Variants in BACH2 observed in about 807,000 individuals in gnomAD.
BACH2 encodes the protein transcription regulator protein BACH2.
In BACH2, 5 loss-of-function variants were observed where a neutral mutation model predicts 61.8. That is an observed-to-expected ratio of 0.08 (90% CI 0.04 to 0.17). The LOEUF (loss-of-function observed/expected upper bound fraction) is 0.17, where lower values mean the gene tolerates loss of function less well. BACH2 is among the 10% of genes least tolerant of loss of function. The pLI is 1.00. For synonymous variants in BACH2, 446 were observed against 440.1 expected (o/e 1.01, Z -0.17); for missense variants, 824 against 1,091.1 (o/e 0.76, Z 3.45).
intron 5 of BACH2, among the ~76,000 whole-genome samples, chr6:90,025,241 G>A (rs1778574918): frequency 6.6e-6 from 1 of 152,300 alleles, no homozygotes; most frequent in Non-Finnish European, 1.5e-5. Flanking sequence ...GGCAGATTTG[G>A]ATATGCAGCT....
rs1453760133 is a variant in BACH2, at chr6:90,102,836, T to TAAA, written c.-161-13728_-161-13727insTTT. On this transcript the variant is annotated intron_variant, in intron 4 of 8. Coordinates refer to ENST00000257749, the MANE Select transcript of BACH2 (RefSeq NM_021813.4). ...ATAATAATAATAATAATAATAATAATAATAAAAATAAAAGGACCTTCCATT... is the reference window on the plus strand; with the variant it reads ...ATAATAATAATAATAATAATAATAATAAAAATAAAAATAAAAGGACCTTCCATT... Among the ~76,000 whole-genome samples the TAAA allele has an allele frequency of 7.5e-3, 800 of 106,818 alleles. 6 individuals are homozygous for TAAA. The highest frequency in any genetic ancestry group is 0.016 in the African/African-American group (508 of 32,478). 70.1% of individuals were successfully genotyped at this position (106,818 alleles called of 152,430 possible).
chr6:89,938,114 T>C (rs1176299593), intron 8 of BACH2, 30 bp downstream of exon 8: 41 of 1,596,336 alleles, frequency 2.6e-5, no homozygotes, highest in Non-Finnish European at 3.4e-5. Flanking sequence ...TCACTTCAGG[T>C]TGCTGATCAC....
intron 5 of BACH2, among the ~76,000 whole-genome samples, chr6:90,054,938 A>C (rs1195579155): frequency 6.6e-6 from 1 of 152,236 alleles, no homozygotes; most frequent in African/African-American, 2.4e-5. Flanking sequence ...AAAACTAACA[A>C]ACGGAAAGGA....
At chr6:90,046,687 T>G (rs1327265263) in intron 5 of BACH2, among the ~76,000 whole-genome samples, 2 of 152,186 alleles carry the variant, frequency 1.3e-5, no homozygotes, top group Non-Finnish European at 2.9e-5. Context: ...ACTGGAGAGT[T>G]GATTCCATGG....
intron 1 of BACH2, among the ~76,000 whole-genome samples, chr6:90,281,958 T>C (rs1771870034): frequency 1.3e-5 from 2 of 152,080 alleles, no homozygotes; most frequent in Non-Finnish European, 2.9e-5. Flanking sequence ...CAATCCTTCC[T>C]CTTGACCACC....
At chr6:90,093,454 T>C (rs4235840) in intron 4 of BACH2, among the ~76,000 whole-genome samples, 55,736 of 152,058 alleles carry the variant, frequency 0.37, 11,465 homozygotes, top group East Asian at 0.82. Flanking sequence ...ATGATGGAAA[T>C]ATTCAATATC....
chr6:90,246,333 A>G (rs1254503892), intron 3 of BACH2, among the ~76,000 whole-genome samples: 1 of 152,218 alleles, frequency 6.6e-6, no homozygotes, highest in Admixed American at 6.5e-5. Context: ...CATCAATTTT[A>G]AATACAATTT....
At chr6:90,132,529 C>T (rs1031842655) in intron 4 of BACH2, among the ~76,000 whole-genome samples, 3 of 152,196 alleles carry the variant, frequency 2.0e-5, no homozygotes, top group Non-Finnish European at 4.4e-5. Context: ...TCACCAACAT[C>T]TCACAGATTA....
intron 4 of BACH2, among the ~76,000 whole-genome samples, chr6:90,169,216 T>G (rs1449964842): frequency 6.6e-6 from 1 of 152,144 alleles, no homozygotes. Flanking sequence ...AAACATCTGT[T>G]ATTTTTTACA....
At chr6:90,212,479 C>T (rs911943293) in intron 3 of BACH2, among the ~76,000 whole-genome samples, 4 of 152,160 alleles carry the variant, frequency 2.6e-5, no homozygotes, top group Non-Finnish European at 5.9e-5. Context: ...TCAGTGTCCT[C>T]GCCACCCCAC....
At chr6:90,288,463 G>A (rs1772086171) in intron 1 of BACH2, among the ~76,000 whole-genome samples, 1 of 152,074 alleles carries the variant, frequency 6.6e-6, no homozygotes, top group Admixed American at 6.6e-5. Context: ...CTTCAAATGT[G>A]TGCTTAATGT....
At chr6:90,278,123 A>G (rs1289502120) in intron 1 of BACH2, among the ~76,000 whole-genome samples, 2 of 152,216 alleles carry the variant, frequency 1.3e-5, no homozygotes, top group African/African-American at 4.8e-5. Flanking sequence ...GTGTCAAGAT[A>G]CATAATATTA....
At chr6:90,058,850 C>A (rs1303407835) in intron 5 of BACH2, among the ~76,000 whole-genome samples, 8 of 152,016 alleles carry the variant, frequency 5.3e-5, no homozygotes, top group Non-Finnish European at 1.2e-4. Context: ...CTTTGACAAA[C>A]CTGACAAAAA....
intron 4 of BACH2, among the ~76,000 whole-genome samples, chr6:90,167,478 C>A (rs1360997538): frequency 6.6e-6 from 1 of 152,172 alleles, no homozygotes; most frequent in Non-Finnish European, 1.5e-5. Context: ...GCTTCAGCCT[C>A]TCAAATAGCT....
chr6:89,997,029 A>ACATG (rs1010665392), intron 6 of BACH2, among the ~76,000 whole-genome samples: 2 of 151,216 alleles, frequency 1.3e-5, no homozygotes, highest in Non-Finnish European at 2.9e-5. Context: ...ACACACACAC[A>ACATG]CATGCATGCT....
intron 1 of BACH2, among the ~76,000 whole-genome samples, 181 bp downstream of exon 1, chr6:90,296,299 A>T (rs1232807944): frequency 6.6e-6 from 1 of 151,412 alleles, no homozygotes; most frequent in African/African-American, 2.4e-5. Flanking sequence ...TCCCGTTCCT[A>T]GAAAATGCCA....
At chr6:90,082,101 T>C (rs914403722) in intron 5 of BACH2, among the ~76,000 whole-genome samples, 1 of 152,220 alleles carries the variant, frequency 6.6e-6, no homozygotes, top group Non-Finnish European at 1.5e-5. Context: ...AAATCAGAAT[T>C]TGATTGGAGT....
At chr6:90,250,634 C>G (rs781408504) in intron 3 of BACH2, among the ~76,000 whole-genome samples, 9 of 152,094 alleles carry the variant, frequency 5.9e-5, no homozygotes, top group Non-Finnish European at 1.0e-4. Flanking sequence ...TCCTGTGTTA[C>G]GTCCACACAG....
chr6:90,038,502 T>C (rs1779373872), intron 5 of BACH2, among the ~76,000 whole-genome samples: 1 of 152,122 alleles, frequency 6.6e-6, no homozygotes, highest in South Asian at 2.1e-4. Flanking sequence ...CTAAAGATGG[T>C]TTGAAAAATA....
Sources: gnomAD v4.1 joint callset for allele counts (sites outside exome capture counted in the v4.1 genomes callset) on GRCh38, gnomAD v4.1.1 for gene constraint, MANE v1.5 for transcripts, NCBI Gene and HGNC (gene_info 2026-07-23, HGNC 2026-07-21) for gene names.